The following ABCB7 variants were observed in gnomAD, a reference collection of about 807,000 sequenced individuals.
The protein encoded by ABCB7 is ATP binding cassette subfamily B member 7.
A neutral mutation model predicts 54.4 loss-of-function variants in ABCB7; 7 were observed. The observed-to-expected ratio is 0.13, with a 90% CI of 0.07 to 0.24. ABCB7 has a LOEUF of 0.24. Ranked by LOEUF, ABCB7 falls within the 10% of genes least tolerant of loss-of-function variation. The pLI is 1.00. For missense variants in ABCB7, 356 were observed against 570.4 expected, an observed-to-expected ratio of 0.62 and a Z score of 3.83; for synonymous variants, 218 against 207.1, an observed-to-expected ratio of 1.05 and a Z score of -0.45.
At chrX:75,074,278 A>C (rs938335701) in intron 6 of ABCB7, among the ~76,000 whole-genome samples, 6 of 111,666 alleles carry the variant, frequency 5.4e-5, no homozygotes, top group Non-Finnish European at 1.1e-4. Context: ...TCATTAGAGA[A>C]ATGCAAATCA....
chrX:75,072,792 T>C (rs967640025), intron 8 of ABCB7, among the ~76,000 whole-genome samples: 52 of 111,935 alleles, frequency 4.6e-4, no homozygotes, highest in African/African-American at 1.7e-3. Flanking sequence ...TTACTGTAAC[T>C]TTTTTACTTT....
At chrX:75,153,774 A>ATATATATAT (rs1555960369) in intron 1 of ABCB7, among the ~76,000 whole-genome samples, 2 of 85,834 alleles carry the variant, frequency 2.3e-5, no homozygotes, top group Non-Finnish European at 4.8e-5. Flanking sequence ...ATATATATAT[A>ATATATATAT]AAATATATAT....
intron 9 of ABCB7, 73 bp from the exon 10 acceptor site, chrX:75,070,595 A>C: frequency 9.8e-7 from 1 of 1,017,043 alleles, no homozygotes; most frequent in Non-Finnish European, 1.4e-6. Flanking sequence ...ATAGGTTTAT[A>C]GTCTATTACG....
At position 75,115,788 on chromosome X, in the gene ABCB7, G is replaced by T. The variant is rs749436057; in HGVS notation, c.169-957C>A. Among the ~76,000 whole-genome samples the T allele has an allele frequency of 1.3e-4, 12 of 93,133 alleles. No individual in the cohort carries two copies. In the South Asian group the frequency reaches 1.4e-3, roughly 11 times the overall value. 80.9% of individuals were successfully genotyped at this position (93,133 alleles called of 115,157 possible). On this transcript the variant is annotated intron_variant, in intron 1 of 15. Transcript: ENST00000373394. Reference sequence around the variant, plus strand: ...CATGATGCTGGTTGTGTGTGTGTTGGGGGGGGGGGCACGGGGCAGAATTAG... The same window carrying T: ...CATGATGCTGGTTGTGTGTGTGTTGTGGGGGGGGGCACGGGGCAGAATTAG...
chrX:75,100,773 A>G (rs771358863), intron 3 of ABCB7, among the ~76,000 whole-genome samples: 1 of 112,202 alleles, frequency 8.9e-6, no homozygotes, highest in South Asian at 3.7e-4. Context: ...CTCTAACAGT[A>G]GTGCTTACTG....
chrX:75,097,336 T>G (rs2081600023), intron 4 of ABCB7: 1 of 111,848 alleles, frequency 8.9e-6, no homozygotes, highest in Non-Finnish European at 1.9e-5. Context: ...AATCAAGGTC[T>G]ATCTCAGATG....
chrX:75,129,140 T>C (rs1176518082), intron 1 of ABCB7, among the ~76,000 whole-genome samples: 3 of 111,930 alleles, frequency 2.7e-5, no homozygotes, highest in East Asian at 5.6e-4. Flanking sequence ...TAAAGACACA[T>C]GCACACGTAT....
At chrX:75,126,823 T>G (rs1336427534) in intron 1 of ABCB7, among the ~76,000 whole-genome samples, 2 of 111,270 alleles carry the variant, frequency 1.8e-5, no homozygotes, top group African/African-American at 6.5e-5. Flanking sequence ...ATGGATAAAA[T>G]CCTGGACACA....
Position 75,119,775 on chromosome X carries a change from TAATA to T in ABCB7, c.169-4948_169-4945del, listed in dbSNP as rs1406588968. Among the ~76,000 whole-genome samples, 4 of 111,915 alleles carry T rather than the reference TAATA, an allele frequency of 3.6e-5. No individual in the cohort carries two copies. In the Admixed American group the frequency reaches 3.8e-4, roughly 11 times the overall value. On this transcript the variant is annotated intron_variant, in intron 1 of 15. Coordinates refer to ENST00000373394, the MANE Select transcript of ABCB7 (RefSeq NM_001271696.3). ...CCTGCTATAACTTCGTGTATGTTAT[TAATA>T]GTTACAATTATTATGTACAATTGTA...
At chrX:75,074,757 A>T (rs1256083508) in intron 6 of ABCB7, among the ~76,000 whole-genome samples, 3 of 111,389 alleles carry the variant, frequency 2.7e-5, no homozygotes, top group African/African-American at 9.8e-5. Context: ...CCAAAATACC[A>T]CATGTTCTCA....
At position 75,111,000 on chromosome X, in the gene ABCB7, G is replaced by C. The variant is rs550288859; in HGVS notation, c.333+1886C>G. On this transcript the variant is annotated intron_variant, in intron 3 of 15. Coordinates refer to ENST00000373394, the MANE Select transcript of ABCB7 (RefSeq NM_001271696.3). ...AAGCTGGGTTTGGTGGTGCACACTT[G>C]TAGTCCCAGCTACTCTGGGAGCCTA... is the stretch of plus-strand genomic sequence containing the variant. Among the ~76,000 whole-genome samples the C allele has an allele frequency of 5.3e-4, 58 of 109,933 alleles. No individual in the cohort carries two copies. In the South Asian group the frequency reaches 0.013, roughly 24 times the overall value.
chrX:75,121,268 G>A (rs1387248064), intron 1 of ABCB7, among the ~76,000 whole-genome samples: 3 of 97,777 alleles, frequency 3.1e-5, no homozygotes, highest in Non-Finnish European at 4.0e-5. Context: ...CAGCCTAGGC[G>A]ACAGAGCGAG....
chrX:75,122,165 A>C (rs2147537153), intron 1 of ABCB7, among the ~76,000 whole-genome samples: 1 of 111,815 alleles, frequency 8.9e-6, no homozygotes, highest in South Asian at 3.8e-4. Context: ...AGAGGTCAGC[A>C]CAAGATATAG....
chrX:75,114,772 C>G lies in ABCB7; in HGVS notation c.228G>C (p.Gln76His). ...WQRLGKGNSG[Q>H]FLDAAKALQV... ...ATCTTACCTTTGCAGCATCTAAGAA[C>G]TGTCCTGAATTGCCTTTTCCCAATC... Residue 76 changes from glutamine to histidine, a missense_variant, in exon 2 of 16, where the codon CAG (glutamine) becomes CAC (histidine). Physicochemically the swap from Gln to His is conservative, Grantham distance 24. Coordinates refer to ENST00000373394, the MANE Select transcript of ABCB7 (RefSeq NM_001271696.3). 2 of 1,200,926 alleles carry G rather than the reference C, an allele frequency of 1.7e-6. No homozygotes were observed. Among genetic ancestry groups the G allele is most frequent in the Non-Finnish European group, 2.3e-6 (2 of 888,357 alleles).
intron 1 of ABCB7, among the ~76,000 whole-genome samples, chrX:75,115,790 G>C (rs1040901732): frequency 9.3e-6 from 1 of 107,496 alleles, no homozygotes; most frequent in African/African-American, 3.4e-5. Context: ...GTGTGTTGGG[G>C]GGGGGGGCAC....
At position 75,053,602 on chromosome X, in the gene ABCB7, T is replaced by G; in HGVS notation, c.2044-17A>C. ...TACCTTACCCTAAAAAGTAAACACA[T>G]GAGAAACACGGAGAAAGGTCATTTA... On this transcript the variant is annotated splice_polypyrimidine_tract_variant and intron_variant, in intron 15 of 15. Transcript: ENST00000373394. 2.6e-6 allele frequency: 3 copies of G among 1,171,330 alleles called. No individual in the cohort carries two copies. Among genetic ancestry groups the G allele is most frequent in the Non-Finnish European group, 3.4e-6 (3 of 873,427 alleles).
intron 4 of ABCB7, among the ~76,000 whole-genome samples, chrX:75,086,172 T>A (rs1396719254): frequency 9.0e-6 from 1 of 111,633 alleles, no homozygotes; most frequent in Non-Finnish European, 1.9e-5. Flanking sequence ...ACATTTTTTC[T>A]TTCTTAGATC....
Position 75,075,536 on chromosome X carries a change from T to A in ABCB7, c.681A>T (p.Lys227Asn). The change falls in exon 6 of 16, where the codon AAA becomes AAT. Residue 227 changes from lysine (K) to asparagine (N), a missense_variant. This residue lies in a region of ABCB7 where 241 missense variants were observed against 470.9 expected (regional missense o/e 0.51). Coordinates refer to ENST00000373394, the MANE Select transcript of ABCB7 (RefSeq NM_001271696.3). Reference sequence around the variant, plus strand: ...GGTTGTGAAGATGGAGAAAGACATTTTTGGCTATTCTTCGGATTGAATTCT... The same window carrying A: ...GGTTGTGAAGATGGAGAAAGACATTATTGGCTATTCTTCGGATTGAATTCT... ...VAQNSIRRIA[K>N]NVFLHLHNLD... 1 of 1,211,251 alleles carries A rather than the reference T, an allele frequency of 8.3e-7. No individual in the cohort carries two copies. Among genetic ancestry groups the A allele is most frequent in the Non-Finnish European group, 1.1e-6 (1 of 895,219 alleles).
At chrX:75,110,347 T>C (rs1296562400) in intron 3 of ABCB7, among the ~76,000 whole-genome samples, 1 of 112,076 alleles carries the variant, frequency 8.9e-6, no homozygotes, top group Non-Finnish European at 1.9e-5. Flanking sequence ...AGCCTCACCA[T>C]GTCATCCAGG....
Sources: allele counts gnomAD v4.1 joint callset (sites outside exome capture counted in the v4.1 genomes callset), GRCh38; gene constraint gnomAD v4.1.1; regional missense constraint gnomAD v4.1.1; transcripts MANE v1.5; gene names NCBI Gene and HGNC (gene_info 2026-07-23, HGNC 2026-07-21).